The following DNAI3 variants were observed in gnomAD, a reference collection of about 807,000 sequenced individuals.
The protein encoded by DNAI3 is WD repeat domain 63.
DNAI3 carries 83 observed loss-of-function variants against 115.5 expected under a neutral mutation model. The observed-to-expected ratio is 0.72, with a 90% CI of 0.60 to 0.86. The LOEUF (loss-of-function observed/expected upper bound fraction) is 0.86, where lower values mean the gene tolerates loss of function less well. Among genes scored for constraint, DNAI3 ranks in the 40% least tolerant of loss-of-function variants. The pLI is 0.00. For missense variants in DNAI3, 1,004 were observed against 1,075.8 expected, an observed-to-expected ratio of 0.93 and a Z score of 0.93; for synonymous variants, 320 against 347.0, an observed-to-expected ratio of 0.92 and a Z score of 0.86.
At position 85,098,589 on chromosome 1, in the gene DNAI3, A is replaced by C; in HGVS notation, c.1410A>C (p.Ala470=). 2 of 1,613,662 alleles carry C rather than the reference A, an allele frequency of 1.2e-6. No individual in the cohort carries two copies. Among genetic ancestry groups the C allele is most frequent in the South Asian group, 2.2e-5 (2 of 90,990 alleles). Reference sequence around the variant, plus strand: ...AAGCAATGTATATCAGACACTGTGCAGTCTCTTCAATAGAAAATGGACATA... The same window carrying C: ...AAGCAATGTATATCAGACACTGTGCCGTCTCTTCAATAGAAAATGGACATA... ...NKEAMYIRHC[A]VSSIENGHKK... The change falls in exon 13 of 23, where the codon GCA becomes GCC. Residue 470 remains alanine (A), a synonymous_variant. Coordinates refer to ENST00000294664, the MANE Select transcript of DNAI3 (RefSeq NM_145172.5).
intron 3 of DNAI3, among the ~76,000 whole-genome samples, chr1:85,080,579 G>A (rs982244661): frequency 6.6e-6 from 1 of 152,154 alleles, no homozygotes; most frequent in Admixed American, 6.5e-5. Context: ...GAAATAAAAA[G>A]CCAGTCACCT....
At chr1:85,110,700 T>A (rs759512238) in intron 16 of DNAI3, among the ~76,000 whole-genome samples, 1 of 152,094 alleles carries the variant, frequency 6.6e-6, no homozygotes, top group East Asian at 1.9e-4. Context: ...CATTTATGTG[T>A]CTTCAAAAAC....
At position 85,117,761 on chromosome 1, in the gene DNAI3, G is replaced by A; in HGVS notation, c.1819G>A (p.Ala607Thr). Residue 607 changes from alanine (A) to threonine (T), a missense_variant, in exon 17 of 23, where the codon GCA becomes ACA. Ala to Thr is a moderately conservative substitution (Grantham distance 58). This residue lies in a region of DNAI3 where 429 missense variants were observed against 454.3 expected (regional missense o/e 0.94). Transcript: ENST00000294664. The part of the protein sequence containing the change: ...KMLAQSKTEK[A>T]EEMNPYHNLE... Reference sequence around the variant, plus strand: ...GTTAGCACAGAGCAAAACAGAGAAGGCAGAAGAAATGAACCCGTATCATAA... The same window carrying A: ...GTTAGCACAGAGCAAAACAGAGAAGACAGAAGAAATGAACCCGTATCATAA... 1 of 1,613,758 alleles carries A rather than the reference G, an allele frequency of 6.2e-7. No homozygotes were observed.
At chr1:85,132,783 C>G in intron 22 of DNAI3, 72 bp from the exon 23 acceptor site, 2 of 1,560,212 alleles carry the variant, frequency 1.3e-6, no homozygotes, top group Non-Finnish European at 1.7e-6. Context: ...TCACAAACAG[C>G]CCCTTCTCAT....
At chr1:85,081,460 T>G in intron 4 of DNAI3, 45 bp downstream of exon 4, 1 of 1,480,076 alleles carries the variant, frequency 6.8e-7, no homozygotes, top group Non-Finnish European at 8.9e-7. Flanking sequence ...CCTCAAGAAG[T>G]TCCTGGTACA....
intron 13 of DNAI3, among the ~76,000 whole-genome samples, chr1:85,101,219 T>C (rs902425985): frequency 1.3e-5 from 2 of 151,964 alleles, no homozygotes; most frequent in African/African-American, 4.8e-5. Context: ...ATTATACCAG[T>C]TTTAAGAGGT....
chr1:85,085,290 T>G (rs1365815627), intron 6 of DNAI3, among the ~76,000 whole-genome samples: 1 of 152,182 alleles, frequency 6.6e-6, no homozygotes, highest in African/African-American at 2.4e-5. Context: ...TTTGTAGTAC[T>G]TGGTTATGGC....
At chr1:85,082,265 A>G in intron 4 of DNAI3, 35 bp from the exon 5 acceptor site, 1 of 1,528,102 alleles carries the variant, frequency 6.5e-7, no homozygotes, top group South Asian at 1.2e-5. Context: ...ATGACCATTG[A>G]ACATTAACTT....
intron 13 of DNAI3, among the ~76,000 whole-genome samples, chr1:85,099,760 G>T (rs953153875): frequency 8.5e-5 from 13 of 152,210 alleles, no homozygotes; most frequent in Non-Finnish European, 1.8e-4. Context: ...CATGGTACTG[G>T]TGCCAAAACA....
chr1:85,088,708 A>G (rs1239624382), intron 7 of DNAI3, among the ~76,000 whole-genome samples: 20 of 152,228 alleles, frequency 1.3e-4, no homozygotes, highest in Admixed American at 1.3e-3. Context: ...TGTTTCGGGC[A>G]TAATTTAAAC....
Position 85,090,151 on chromosome 1 carries a change from C to T in DNAI3, c.776C>T (p.Pro259Leu). Residue 259 changes from proline (P) to leucine (L), a missense_variant, in exon 8 of 23, where the codon CCA becomes CTA. Pro to Leu is a moderately conservative substitution (Grantham distance 98). This residue lies in a region of DNAI3 where 550 missense variants were observed against 568.1 expected (regional missense o/e 0.97). Coordinates refer to ENST00000294664, the MANE Select transcript of DNAI3 (RefSeq NM_145172.5). The stretch of plus-strand genomic sequence containing the variant: ...AAAAATGCTACTACGCAATATTATC[C>T]AAGAGAATTCTCAGAAGAGGAAAAA... ...YPKNATTQYYPREFSEEEKET... is the reference protein window; with the variant it reads ...YPKNATTQYYLREFSEEEKET... 1 of 1,585,362 alleles carries T rather than the reference C, an allele frequency of 6.3e-7. No individual in the cohort carries two copies. Among genetic ancestry groups the T allele is most frequent in the South Asian group, 1.2e-5 (1 of 82,800 alleles).
At chr1:85,114,015 C>CTCTTTTTT (rs1655736741) in intron 16 of DNAI3, among the ~76,000 whole-genome samples, 1 of 117,670 alleles carries the variant, frequency 8.5e-6, no homozygotes, top group African/African-American at 3.2e-5. Flanking sequence ...CAATTTGTAT[C>CTCTTTTTT]TTTTTTTTTT....
intron 1 of DNAI3, among the ~76,000 whole-genome samples, chr1:85,064,286 T>C (rs1177202977): frequency 1.3e-5 from 2 of 151,958 alleles, no homozygotes; most frequent in African/African-American, 4.8e-5. Context: ...TCAGAAGATA[T>C]TTGGAAGGGA....
At chr1:85,086,329 C>A (rs914290802) in intron 7 of DNAI3, among the ~76,000 whole-genome samples, 21 of 152,112 alleles carry the variant, frequency 1.4e-4, no homozygotes, top group South Asian at 2.1e-4. Context: ...TTACCATGCC[C>A]CTCATTGCTC....
intron 6 of DNAI3, among the ~76,000 whole-genome samples, chr1:85,085,236 C>T (rs11586859): frequency 0.087 from 13,309 of 152,214 alleles, 830 homozygotes; most frequent in East Asian, 0.24. Flanking sequence ...TTCTAGCCTC[C>T]ACAACTGTAA....
At position 85,105,538 on chromosome 1, in the gene DNAI3, AAAAG is replaced by A. The variant is rs1281329449; in HGVS notation, c.1553+945_1553+948del. ...AGTGAAACTCTGTCTCAAAAAAAAAAAAAGAAAAAGAAAAAGAAAGAAAGAAAAG... is the reference window on the plus strand; with the variant it reads ...AGTGAAACTCTGTCTCAAAAAAAAAAAAAAAGAAAAAGAAAGAAAGAAAAG... On this transcript the variant is annotated intron_variant, in intron 14 of 22. Coordinates refer to ENST00000294664, the MANE Select transcript of DNAI3 (RefSeq NM_145172.5). Among the ~76,000 whole-genome samples, 5 of 142,546 alleles carry A rather than the reference AAAAG, an allele frequency of 3.5e-5. 1 individual carries two copies. The highest frequency in any genetic ancestry group is 2.2e-4 in the South Asian group (1 of 4,480). The allele number at this position is 142,546 out of a possible 152,430, so 93.5% of individuals were successfully genotyped here. A position where few individuals can be genotyped will look rare whatever the true frequency, so the allele number is the denominator to read the frequency against.
chr1:85,087,555 G>A (rs1007449385), intron 7 of DNAI3, among the ~76,000 whole-genome samples: 10 of 148,704 alleles, frequency 6.7e-5, no homozygotes, highest in East Asian at 2.0e-4. Flanking sequence ...TGTGTTTTTC[G>A]TCATCTCTCT....
At chr1:85,071,780 C>A in intron 1 of DNAI3, 148 bp from the exon 2 acceptor site, 1 of 727,680 alleles carries the variant, frequency 1.4e-6, no homozygotes, top group Non-Finnish European at 2.3e-6. Flanking sequence ...ACAGAACACC[C>A]GTTCTATGAA....
At position 85,108,090 on chromosome 1, in the gene DNAI3, GA is replaced by G; in HGVS notation, c.1616del (p.Lys539ArgfsTer29). The G allele has an allele frequency of 6.2e-7, 1 of 1,610,112 alleles. No homozygotes were observed. Among genetic ancestry groups the G allele is most frequent in the Non-Finnish European group, 8.5e-7 (1 of 1,178,328 alleles). ...QKPLTPQTTE[K>X]KKEESIEIPF... ...AACCTTTAACCCCCCAAACAACAGA[GA>G]AAAAGAAGGAGGAAAGTATTGAAAT... On this transcript the variant is annotated frameshift_variant, in exon 15 of 23. Transcript: ENST00000294664. LOFTEE classifies it high-confidence loss of function.
Sources: gnomAD v4.1 joint callset for allele counts (sites outside exome capture counted in the v4.1 genomes callset) on GRCh38, gnomAD v4.1.1 for gene constraint, gnomAD v4.1.1 regional missense constraint, MANE v1.5 for transcripts, NCBI Gene and HGNC (gene_info 2026-07-23, HGNC 2026-07-21) for gene names.